Variants in CA12 observed in about 807,000 individuals in gnomAD.
The protein encoded by CA12 is carbonate dehydratase XII.
Under a neutral mutation model 46.8 loss-of-function variants are expected in CA12, and 36 were observed. That is an observed-to-expected ratio of 0.77 (90% confidence interval 0.59 to 1.02). CA12 has a LOEUF of 1.02. Among genes scored for constraint, CA12 ranks in the 50% least tolerant of loss-of-function variants. CA12 has a pLI of 0.00. For missense variants in CA12, 436 were observed against 451.4 expected (o/e 0.97, Z 0.31); for synonymous variants, 202 against 187.0 (o/e 1.08, Z -0.65).
Position 63,378,977 on chromosome 15 carries a change from C to T in CA12, c.85+2659G>A, listed in dbSNP as rs549584223. 2.2e-4 allele frequency: 33 copies of T among 152,356 alleles called. No homozygotes were observed. The highest frequency in any genetic ancestry group is 7.7e-4 in the African/African-American group (32 of 41,566). The allele number at this position is 152,356 out of a possible 1,614,324, so 9.4% of individuals were successfully genotyped here. On this transcript the variant is annotated intron_variant, in intron 1 of 10. Transcript: ENST00000178638. The surrounding 1 kb of genome is among the most constrained non-coding windows in gnomAD (Gnocchi z 4.8). ...TATACCCTACATCTTCTGCTACCCT[C>T]CCAGGGCTCGCTAATCAAGGTTTTC...
chr15:63,325,466 T>A lies in CA12; in HGVS notation c.*819A>T, dbSNP rs1322806157. On this transcript the variant is annotated 3_prime_UTR_variant, in exon 11 of 11. Transcript: ENST00000178638. This position sits in a 1 kb window ranked among gnomAD's most constrained non-coding sequence, Gnocchi z 4.9. ...AGGAGGTTGGATTTGGACTTAATATTGTATTATTCTGTCCTTACATTATGG... is the reference window on the plus strand; with the variant it reads ...AGGAGGTTGGATTTGGACTTAATATAGTATTATTCTGTCCTTACATTATGG... The A allele has an allele frequency of 6.6e-6, 1 of 152,206 alleles. No homozygotes were observed. Among genetic ancestry groups the A allele is most frequent in the African/African-American group, 2.4e-5 (1 of 41,422 alleles). 9.4% of individuals were successfully genotyped at this position (152,206 alleles called of 1,614,324 possible).
In CA12 at chr15:63,329,399, G is replaced by A. The variant is rs76123927; in HGVS notation, c.875-1269C>T. Among the ~76,000 whole-genome samples the A allele has an allele frequency of 6.1e-3, 927 of 152,294 alleles. 6 individuals are homozygous for A. The highest frequency in any genetic ancestry group is 0.017 in the Middle Eastern group (5 of 294). On this transcript the variant is annotated intron_variant, in intron 8 of 10. Coordinates refer to ENST00000178638, the MANE Select transcript of CA12 (RefSeq NM_001218.5). The surrounding 1 kb of genome is among the most constrained non-coding windows in gnomAD (Gnocchi z 4.8). ...GGGGAAAATCACATGAGAATCCATT[G>A]TCTTGAGTGAGCAGAGGATCCCAGT...
chr15:63,375,956 C>T lies in CA12; in HGVS notation c.86-278G>A, dbSNP rs573861061. ...TCCTGAGTAGCTGGGATTACAGGCACGCACCGTCACGCCTGGTTAATTTTG... is the reference window on the plus strand; with the variant it reads ...TCCTGAGTAGCTGGGATTACAGGCATGCACCGTCACGCCTGGTTAATTTTG... On this transcript the variant is annotated intron_variant, in intron 1 of 10. Coordinates refer to ENST00000178638, the MANE Select transcript of CA12 (RefSeq NM_001218.5). Among the ~76,000 whole-genome samples the T allele has an allele frequency of 6.6e-5, 10 of 152,038 alleles. 1 individual carries two copies. The East Asian group carries it at 1.4e-3, about 21-fold the overall frequency.
At chr15:63,379,503 C>T (rs1595796493) in intron 1 of CA12, among the ~76,000 whole-genome samples, 1 of 152,316 alleles carries the variant, frequency 6.6e-6, no homozygotes, top group East Asian at 1.9e-4. Context: ...CGAGGCCAGG[C>T]CAAGGCCTCA....
intron 1 of CA12, among the ~76,000 whole-genome samples, chr15:63,376,602 C>CTTTCTTTCTT (rs1391310984): frequency 2.3e-4 from 32 of 141,998 alleles, no homozygotes; most frequent in East Asian, 4.1e-4. Context: ...TTCTTTCTTT[C>CTTTCTTTCTT]TCTCTCTCTC....
rs1471101487 is a variant in CA12, at chr15:63,327,665, T to C, written c.908-432A>G. 6.6e-6 allele frequency among the ~76,000 whole-genome samples: 1 copy of C among 152,160 alleles called. No homozygotes were observed. The highest frequency in any genetic ancestry group is 2.4e-5 in the African/African-American group (1 of 41,424). ...GGGCTACACAAATAAGAACTTACTC[T>C]GTCTTTGCCTGCTGGATTTAAGGCC... On this transcript the variant is annotated intron_variant, in intron 9 of 10. Coordinates refer to ENST00000178638, the MANE Select transcript of CA12 (RefSeq NM_001218.5). The surrounding 1 kb of genome is among the most constrained non-coding windows in gnomAD (Gnocchi z 4.5).
chr15:63,344,482 A>C (rs1298439436), intron 4 of CA12, among the ~76,000 whole-genome samples: 3 of 152,234 alleles, frequency 2.0e-5, no homozygotes, highest in Non-Finnish European at 4.4e-5. Context: ...TCAACACTGC[A>C]ATTAGCCTGG....
Position 63,341,131 on chromosome 15 carries a change from C to A in CA12, c.526-348G>T, listed in dbSNP as rs2039073556. Among the ~76,000 whole-genome samples, 2 of 151,978 alleles carry A rather than the reference C, an allele frequency of 1.3e-5. No homozygotes were observed. Among genetic ancestry groups the A allele is most frequent in the Admixed American group, 1.3e-4 (2 of 15,260 alleles). ...AGCTCTGAGTTCACAAAAGCCACGT[C>A]AGACAAATGAGCATGTTGGGAAATG... is the stretch of plus-strand genomic sequence containing the variant. On this transcript the variant is annotated intron_variant, in intron 5 of 10. Transcript: ENST00000178638. The surrounding 1 kb of genome is among the most constrained non-coding windows in gnomAD (Gnocchi z 5.2).
At chr15:63,342,716 G>C (rs1453459831) in intron 4 of CA12, among the ~76,000 whole-genome samples, 1 of 152,160 alleles carries the variant, frequency 6.6e-6, no homozygotes, top group East Asian at 1.9e-4. Flanking sequence ...CAAGAGGAGA[G>C]GTCCATTCAG....
rs1229769911 is a variant in CA12 at position 63,328,109 on chromosome 15, C to G, written c.896G>C (p.Gly299Ala). Residue 299 changes from glycine to alanine, a missense_variant, in exon 9 of 11, where the codon GGA becomes GCA. By Grantham distance (60) the Gly-to-Ala change is moderately conservative. Coordinates refer to ENST00000178638, the MANE Select transcript of CA12 (RefSeq NM_001218.5). The surrounding 1 kb of genome is among the most constrained non-coding windows in gnomAD (Gnocchi z 5.9). ...FSQVQVCTAA[G>A]LSLGIILSLA... ...GCCCAGCCACATACCCAGACTCAGT[C>G]CTGCCGCAGTACAGACTTGCACTTA... is the stretch of plus-strand genomic sequence containing the variant. 6.2e-7 allele frequency: 1 copy of G among 1,614,062 alleles called. No homozygotes were observed. The highest frequency in any genetic ancestry group is 2.2e-5 in the East Asian group (1 of 44,868).
rs2039282216 is a variant in CA12 at position 63,355,428 on chromosome 15, C to G, written c.107-8719G>C. Reference sequence around the variant, plus strand: ...AAGCATTATCATCACCGCCTAGGAACTCATTCAAAATGCAGAGTCTCGGGC... The same window carrying G: ...AAGCATTATCATCACCGCCTAGGAAGTCATTCAAAATGCAGAGTCTCGGGC... On this transcript the variant is annotated intron_variant, in intron 2 of 10. Coordinates refer to ENST00000178638, the MANE Select transcript of CA12 (RefSeq NM_001218.5). This position sits in a 1 kb window ranked among gnomAD's most constrained non-coding sequence, Gnocchi z 4.1. Among the ~76,000 whole-genome samples, 6 of 152,238 alleles carry G rather than the reference C, an allele frequency of 3.9e-5. No homozygotes were observed.
chr15:63,360,485 T>C (rs1367698272), intron 2 of CA12, among the ~76,000 whole-genome samples: 1 of 152,232 alleles, frequency 6.6e-6, no homozygotes, highest in African/African-American at 2.4e-5. Flanking sequence ...CTAGTGTCTC[T>C]GTTCACAGAT....
chr15:63,376,673 G>A (rs528596705), intron 1 of CA12, among the ~76,000 whole-genome samples: 1 of 149,626 alleles, frequency 6.7e-6, no homozygotes, highest in African/African-American at 2.5e-5. Flanking sequence ...TTGTGAGACA[G>A]GGTCTCACTC....
chr15:63,352,117 G>T (rs986306449), intron 2 of CA12, among the ~76,000 whole-genome samples: 2 of 152,304 alleles, frequency 1.3e-5, no homozygotes, highest in Admixed American at 1.3e-4. Flanking sequence ...GTGCAGTGGT[G>T]CAATCTCAGC....
Position 63,326,321 on chromosome 15 carries a change from C to G in CA12, c.1029G>C (p.Lys343Asn). 6.2e-7 allele frequency: 1 copy of G among 1,614,056 alleles called. No individual in the cohort carries two copies. Among genetic ancestry groups the G allele is most frequent in the Non-Finnish European group, 8.5e-7 (1 of 1,179,962 alleles). ...KKGDNKGVIY[K>N]PATKMETEAH... ...CCTCAGTCTCCATCTTGGTGGCTGG[C>G]TTGTAAATGACTCCCTTGTTATCAC... The change falls in exon 11 of 11, where the codon AAG (lysine) becomes AAC (asparagine). Residue 343 changes from lysine (K) to asparagine (N), a missense_variant. Coordinates refer to ENST00000178638, the MANE Select transcript of CA12 (RefSeq NM_001218.5).
chr15:63,351,741 G>C lies in CA12; in HGVS notation c.107-5032C>G, dbSNP rs79027396. On this transcript the variant is annotated intron_variant, in intron 2 of 10. Coordinates refer to ENST00000178638, the MANE Select transcript of CA12 (RefSeq NM_001218.5). ...CCCAGTGCTTTCTAGTCCCTGACTT[G>C]AACTTCTCGGCCAGCCTACTCGGGT... Among the ~76,000 whole-genome samples the C allele has an allele frequency of 2.6e-3, 392 of 152,312 alleles. 6 individuals are homozygous for C. The East Asian group carries it at 0.051, about 20-fold the overall frequency.
intron 8 of CA12, among the ~76,000 whole-genome samples, chr15:63,333,272 G>T (rs2038958617): frequency 6.6e-6 from 1 of 152,260 alleles, no homozygotes; most frequent in Non-Finnish European, 1.5e-5. Context: ...CCATCACCAA[G>T]GGTGGGTCCA....
At chr15:63,351,811 G>A (rs2039236169) in intron 2 of CA12, among the ~76,000 whole-genome samples, 1 of 152,196 alleles carries the variant, frequency 6.6e-6, no homozygotes, top group Admixed American at 6.5e-5. Flanking sequence ...TGCCTCACCT[G>A]TGACTGTTAG....
rs2039609849 is a variant in CA12, at chr15:63,378,883, TCTGCTGCCTGAGCA to T, written c.85+2739_85+2752del. On this transcript the variant is annotated intron_variant, in intron 1 of 10. Coordinates refer to ENST00000178638, the MANE Select transcript of CA12 (RefSeq NM_001218.5). This position sits in a 1 kb window ranked among gnomAD's most constrained non-coding sequence, Gnocchi z 4.8. ...GATCCTGGAGGCCACTAGAAACACA[TCTGCTGCCTGAGCA>T]CTGCTGCCTTGCCAGCAGTTTGCAT... is the stretch of plus-strand genomic sequence containing the variant. 1 of 152,222 alleles carries T rather than the reference TCTGCTGCCTGAGCA, an allele frequency of 6.6e-6. No homozygotes were observed. The highest frequency in any genetic ancestry group is 2.4e-5 in the African/African-American group (1 of 41,454). The allele number at this position is 152,222 out of a possible 1,614,324, so 9.4% of individuals were successfully genotyped here.
Sources: allele counts gnomAD v4.1 joint callset (sites outside exome capture counted in the v4.1 genomes callset), GRCh38; gene constraint gnomAD v4.1.1; non-coding constraint Gnocchi (gnomAD v3.1); transcripts MANE v1.5; gene names NCBI Gene and HGNC (gene_info 2026-07-23, HGNC 2026-07-21).